ZNF782: variants seen among roughly 807,000 people sequenced by gnomAD.
ZNF782 encodes zinc finger protein 782.
A neutral mutation model predicts 13.0 loss-of-function variants in ZNF782; 12 were observed. The ratio of observed to expected loss-of-function variants is 0.92; its 90% confidence interval spans 0.59 to 1.50. The LOEUF is 1.50. Among genes scored for constraint, ZNF782 ranks in the 40% most tolerant of loss-of-function variants. The pLI is 0.00. For missense variants in ZNF782, 770 were observed against 822.9 expected (o/e 0.94, Z 0.79); for synonymous variants, 284 against 283.0 (o/e 1.00, Z -0.04).
At chr9:96,875,683 G>A (rs1851884143), upstream of ZNF782, 4 of 445,474 alleles carry the variant, frequency 9.0e-6, no homozygotes, top group South Asian at 4.8e-5. Context: ...TCTAGCGTGA[G>A]GGGGTCGATC....
At chr9:96,884,627 A>C in the ZNF782 span, among the ~76,000 whole-genome samples, 1 of 152,182 alleles carries the variant, frequency 6.6e-6, no homozygotes, top group South Asian at 2.1e-4. Context: ...AGAGGCAACA[A>C]GGTGGTGTGA....
the ZNF782 span, among the ~76,000 whole-genome samples, chr9:96,930,553 T>A: frequency 1.4e-5 from 2 of 142,974 alleles, no homozygotes; most frequent in Non-Finnish European, 3.0e-5. Flanking sequence ...AAAAAGAAAA[T>A]CCCTAGACAC....
intron 1 of ZNF782, among the ~76,000 whole-genome samples, chr9:96,867,691 T>G (rs527842633): frequency 6.6e-6 from 1 of 152,206 alleles, no homozygotes; most frequent in Non-Finnish European, 1.5e-5. Flanking sequence ...CTGATCACTA[T>G]TGTGGTGCTC....
At chr9:96,837,136 C>T (rs985353957) in intron 4 of ZNF782, among the ~76,000 whole-genome samples, 1 of 152,144 alleles carries the variant, frequency 6.6e-6, no homozygotes, top group South Asian at 2.1e-4. Context: ...TACAAGATGC[C>T]CCACACTCAT....
At chr9:96,900,821 C>T in the ZNF782 span, among the ~76,000 whole-genome samples, 5 of 151,600 alleles carry the variant, frequency 3.3e-5, no homozygotes, top group African/African-American at 1.2e-4. Context: ...TGATAGGCCA[C>T]TCCTTACAAG....
At chr9:96,832,159 G>T in intron 4 of ZNF782, among the ~76,000 whole-genome samples, 1 of 150,666 alleles carries the variant, frequency 6.6e-6, no homozygotes, top group Non-Finnish European at 1.5e-5. Flanking sequence ...AGTTTTTTTA[G>T]TGGTTACTCT....
chr9:96,894,318 T>C, the ZNF782 span: 3 of 152,002 alleles, frequency 2.0e-5, no homozygotes, highest in Non-Finnish European at 4.4e-5. Flanking sequence ...GTTGTGCACA[T>C]GTACCCTAGA....
At chr9:96,899,346 T>C in the ZNF782 span, among the ~76,000 whole-genome samples, 1 of 151,910 alleles carries the variant, frequency 6.6e-6, no homozygotes, top group Admixed American at 6.6e-5. Context: ...CTAAATATCT[T>C]TTCATGTGCT....
intron 2 of ZNF782, among the ~76,000 whole-genome samples, chr9:96,861,307 C>A (rs904201434): frequency 6.6e-6 from 1 of 152,038 alleles, no homozygotes; most frequent in Admixed American, 6.6e-5. Flanking sequence ...AAGAGACAAC[C>A]CACAGAATGG....
chr9:96,931,045 T>C, the ZNF782 span, among the ~76,000 whole-genome samples: 1 of 151,708 alleles, frequency 6.6e-6, no homozygotes, highest in Admixed American at 6.6e-5. Flanking sequence ...CAGGCACGCA[T>C]CATCAGCTAA....
the ZNF782 span, chr9:96,890,669 A>G: frequency 6.6e-6 from 1 of 152,228 alleles, no homozygotes; most frequent in Non-Finnish European, 1.5e-5. Context: ...AGTAACTAAC[A>G]GTATTTTATT....
the ZNF782 span, among the ~76,000 whole-genome samples, chr9:96,916,166 G>A: frequency 1.3e-5 from 2 of 151,942 alleles, no homozygotes; most frequent in East Asian, 1.9e-4. Context: ...TAGGGGAACT[G>A]GCTAACAGCT....
At chr9:96,847,254 T>C (rs1851366434) in intron 3 of ZNF782, among the ~76,000 whole-genome samples, 1 of 152,044 alleles carries the variant, frequency 6.6e-6, no homozygotes. Context: ...TGACAACCTA[T>C]TGCCATACCT....
At chr9:96,860,440 T>C (rs138303571) in intron 2 of ZNF782, 2 of 152,366 alleles carry the variant, frequency 1.3e-5, no homozygotes, top group Non-Finnish European at 2.9e-5. Flanking sequence ...AGAGACTTCA[T>C]TTGTGGGAAA....
chr9:96,842,892 T>C (rs2406184), intron 4 of ZNF782, among the ~76,000 whole-genome samples: 35,645 of 151,974 alleles, frequency 0.23, 5,491 homozygotes, highest in Non-Finnish European at 0.34. Context: ...ACAAAAGCCA[T>C]GAACAGACAT....
chr9:96,930,872 GTTTTTTTTTTTTTTTTTTT>G, the ZNF782 span, among the ~76,000 whole-genome samples: 420 of 72,658 alleles, frequency 5.8e-3, 1 homozygote, highest in African/African-American at 0.022. Flanking sequence ...CCATCCAGTG[GTTTTTTTTTTTTTTTTTTT>G]TTTTTTTTTT....
intron 1 of ZNF782, among the ~76,000 whole-genome samples, chr9:96,869,629 A>G (rs1851800861): frequency 6.6e-6 from 1 of 152,210 alleles, no homozygotes; most frequent in Non-Finnish European, 1.5e-5. Context: ...AGTAATATTT[A>G]TGGTTTGTGA....
chr9:96,916,153 G>A, the ZNF782 span, among the ~76,000 whole-genome samples: 5 of 151,980 alleles, frequency 3.3e-5, no homozygotes, highest in African/African-American at 1.2e-4. Context: ...CAGAAAGCAA[G>A]GATAGGGGAA....
At chr9:96,879,172 G>C (rs960573957), upstream of ZNF782, among the ~76,000 whole-genome samples, 1 of 152,146 alleles carries the variant, frequency 6.6e-6, no homozygotes, top group African/African-American at 2.4e-5. Context: ...CCTCACTTTG[G>C]CATAGTCAAT....
Sources: allele counts gnomAD v4.1 joint callset (sites outside exome capture counted in the v4.1 genomes callset), GRCh38; gene constraint gnomAD v4.1.1; transcripts MANE v1.5; gene names NCBI Gene and HGNC (gene_info 2026-07-23, HGNC 2026-07-21).